Variants in TRAFD1 observed in about 807,000 individuals in gnomAD.
The protein encoded by TRAFD1 is TRAF-type zinc finger domain containing 1, also known as TRAF-type zinc finger domain-containing protein 1.
Under a neutral mutation model 65.3 loss-of-function variants are expected in TRAFD1, and 38 were observed. The ratio of observed to expected loss-of-function variants is 0.58; its 90% CI spans 0.45 to 0.76. TRAFD1 has a LOEUF of 0.76. Among genes scored for constraint, TRAFD1 ranks in the 30% least tolerant of loss-of-function variants. TRAFD1 has a pLI of 0.00. For missense variants in TRAFD1, 631 were observed against 712.6 expected (o/e 0.89, Z 1.30); for synonymous variants, 223 against 257.2 (o/e 0.87, Z 1.27).
intron 4 of TRAFD1, among the ~76,000 whole-genome samples, chr12:112,136,926 C>A (rs904132426): frequency 2.0e-5 from 3 of 152,208 alleles, no homozygotes; most frequent in East Asian, 3.9e-4. Flanking sequence ...TATGTTAATT[C>A]ACCAATTTAA....
chr12:112,147,963 C>T (rs1263134945), intron 7 of TRAFD1, 111 bp from the exon 8 acceptor site: 2 of 1,049,362 alleles, frequency 1.9e-6, no homozygotes, highest in Non-Finnish European at 2.7e-6. Flanking sequence ...GCCACCGCGC[C>T]CGGCCAAGCA....
In TRAFD1 at chr12:112,151,815, G is replaced by A. The variant is rs1265996260; in HGVS notation, c.1294G>A (p.Gly432Ser). Reference protein sequence around the residue: ...RVRHQGDLSSGYLDDTKQETA... With the variant: ...RVRHQGDLSSSYLDDTKQETA... ...TCTCTTCTCAGGAGACCTGTCTTCT[G>A]GTTACCTGGATGATACTAAGCAGGA... The change falls in exon 10 of 12, where the codon GGT (glycine) becomes AGT (serine). Residue 432 changes from glycine (G) to serine (S), a missense_variant. Coordinates refer to ENST00000412615, the MANE Select transcript of TRAFD1 (RefSeq NM_006700.3). 1 of 1,613,070 alleles carries A rather than the reference G, an allele frequency of 6.2e-7. No homozygotes were observed. Among genetic ancestry groups the A allele is most frequent in the Non-Finnish European group, 8.5e-7 (1 of 1,179,168 alleles).
In TRAFD1 at chr12:112,150,666, CTT is replaced by C. The variant is rs1312632900; in HGVS notation, c.1279+796_1279+797del. ...CTTGAGCTCAAGTGATTCTCCCACT[CTT>C]AGCCTCCTGAGTAGCTGGGACTATA... is the stretch of plus-strand genomic sequence containing the variant. On this transcript the variant is annotated intron_variant, in intron 9 of 11. Transcript: ENST00000412615. 4.6e-5 allele frequency among the ~76,000 whole-genome samples: 7 copies of C among 151,964 alleles called. No individual in the cohort carries two copies. The South Asian group carries it at 6.2e-4, about 14-fold the overall frequency.
Position 112,148,266 on chromosome 12 carries a change from G to A in TRAFD1, c.1120G>A (p.Gly374Arg), listed in dbSNP as rs752652993. ...CATCATTATCCCATGTGAATTCTGT[G>A]GGGTACAGCTGGAAGAGGAGGTGCT... is the stretch of plus-strand genomic sequence containing the variant. Reference protein sequence around the residue: ...ESIIIPCEFCGVQLEEEVLFH... With the variant: ...ESIIIPCEFCRVQLEEEVLFH... The change falls in exon 8 of 12, where the codon GGG becomes AGG. Residue 374 changes from glycine (G) to arginine (R), a missense_variant. Gly to Arg is a moderately radical substitution (Grantham distance 125). Transcript: ENST00000412615. 1.2e-5 allele frequency: 19 copies of A among 1,614,150 alleles called. No homozygotes were observed. In the East Asian group the frequency reaches 3.6e-4, roughly 30 times the overall value.
chr12:112,130,679 A>G lies in TRAFD1; in HGVS notation c.47+110A>G, dbSNP rs77238191. On this transcript the variant is annotated intron_variant, in intron 2 of 11. Coordinates refer to ENST00000412615, the MANE Select transcript of TRAFD1 (RefSeq NM_006700.3). This position sits in a 1 kb window ranked among gnomAD's most constrained non-coding sequence, Gnocchi z 4.4. Reference sequence around the variant, plus strand: ...TGAAGACTGGCACAGTCTTGAGTTAAGCTTTCTATTTTGGTGTTTATAACC... The same window carrying G: ...TGAAGACTGGCACAGTCTTGAGTTAGGCTTTCTATTTTGGTGTTTATAACC... The G allele has an allele frequency of 3.7e-3, 3,277 of 886,908 alleles. 87 individuals carry two copies. In the African/African-American group the frequency reaches 0.051, roughly 14 times the overall value. The allele number at this position is 886,908 out of a possible 1,614,324, so 54.9% of individuals were successfully genotyped here.
intron 6 of TRAFD1, among the ~76,000 whole-genome samples, chr12:112,143,636 C>T (rs1260729695): frequency 6.6e-6 from 1 of 151,720 alleles, no homozygotes; most frequent in Non-Finnish European, 1.5e-5. Flanking sequence ...TTATATATTT[C>T]ATTTTGAGTT....
chr12:112,152,851 T>C lies in TRAFD1; in HGVS notation c.*60T>C, dbSNP rs1216058045. 5.0e-6 allele frequency: 8 copies of C among 1,586,874 alleles called. No individual in the cohort carries two copies. Among genetic ancestry groups the C allele is most frequent in the South Asian group, 1.1e-5 (1 of 88,274 alleles). ...TTCTGTGCACAGCAGCACTTGCCGC[T>C]GTGCAGGCCCACCTCTTTGGCTCTT... On this transcript the variant is annotated 3_prime_UTR_variant, in exon 12 of 12. Transcript: ENST00000412615. The surrounding 1 kb of genome is among the most constrained non-coding windows in gnomAD (Gnocchi z 5.0).
At chr12:112,135,342 G>A (rs943314319) in intron 4 of TRAFD1, among the ~76,000 whole-genome samples, 3 of 152,206 alleles carry the variant, frequency 2.0e-5, no homozygotes, top group Non-Finnish European at 4.4e-5. Flanking sequence ...CAGCCTCACT[G>A]AATATGAAGC....
intron 2 of TRAFD1, chr12:112,133,297 G>A (rs1425114631): frequency 6.6e-6 from 1 of 152,180 alleles, no homozygotes; most frequent in Non-Finnish European, 1.5e-5. Flanking sequence ...CTGTAGTCAG[G>A]AAGCATCCAG....
chr12:112,125,978 G>A (rs1286817794), intron 1 of TRAFD1: 2 of 152,260 alleles, frequency 1.3e-5, no homozygotes, highest in East Asian at 3.9e-4. Context: ...CGGCGTGGGG[G>A]GTCGCGAGTG....
chr12:112,151,805 C>A lies in TRAFD1; in HGVS notation c.1284C>A (p.Asp428Glu). 6.2e-7 allele frequency: 1 copy of A among 1,611,854 alleles called. No homozygotes were observed. ...LPRRRVRHQG[D>E]LSSGYLDDTK... is the part of the protein sequence containing the mutation. Reference sequence around the variant, plus strand: ...GTTACCATTTTCTCTTCTCAGGAGACCTGTCTTCTGGTTACCTGGATGATA... The same window carrying A: ...GTTACCATTTTCTCTTCTCAGGAGAACTGTCTTCTGGTTACCTGGATGATA... Residue 428 changes from aspartate (D) to glutamate (E), a missense_variant, in exon 10 of 12, where the codon GAC becomes GAA. Physicochemically the swap from Asp to Glu is conservative, Grantham distance 45. Transcript: ENST00000412615.
chr12:112,131,511 A>G (rs1368584145), intron 2 of TRAFD1, among the ~76,000 whole-genome samples: 3 of 152,222 alleles, frequency 2.0e-5, no homozygotes, highest in South Asian at 2.1e-4. Flanking sequence ...CTAAACCTGT[A>G]AAGAATTAAT....
At chr12:112,129,401 A>G (rs1268606827) in intron 1 of TRAFD1, among the ~76,000 whole-genome samples, 1 of 151,788 alleles carries the variant, frequency 6.6e-6, no homozygotes, top group African/African-American at 2.4e-5. Flanking sequence ...GGGTTTCACC[A>G]TGTTGCCCAG....
intron 9 of TRAFD1, 39 bp downstream of exon 9, chr12:112,149,910 A>G (rs963137944): frequency 8.7e-6 from 14 of 1,611,720 alleles, no homozygotes; most frequent in East Asian, 2.2e-5. Flanking sequence ...CCGCAGGTCT[A>G]CTGCTGGCTC....
At chr12:112,145,545 T>G (rs755123452) in intron 6 of TRAFD1, 41 bp from the exon 7 acceptor site, 1 of 1,601,626 alleles carries the variant, frequency 6.2e-7, no homozygotes, top group Non-Finnish European at 8.5e-7. Context: ...TCAAGTTTGT[T>G]TTTGTTCATC....
chr12:112,127,406 A>G (rs976211548), intron 1 of TRAFD1, among the ~76,000 whole-genome samples: 4 of 152,290 alleles, frequency 2.6e-5, no homozygotes, highest in Middle Eastern at 3.4e-3. Context: ...ATCAGAGACT[A>G]TATTTCCTTA....
At chr12:112,142,355 T>C in intron 6 of TRAFD1, 60 bp downstream of exon 6, 3 of 1,507,546 alleles carry the variant, frequency 2.0e-6, no homozygotes, top group South Asian at 1.2e-5. Flanking sequence ...TCTTAGGTTA[T>C]ACAATTCTTA....
rs1259000324 is a variant in TRAFD1 at position 112,152,823 on chromosome 12, G to C, written c.*32G>C. 6.2e-7 allele frequency: 1 copy of C among 1,613,384 alleles called. No homozygotes were observed. The highest frequency in any genetic ancestry group is 2.2e-5 in the East Asian group (1 of 44,888). ...CTCCAGAGACTTTACATCGGTTCCT[G>C]TCTTCTGTGCACAGCAGCACTTGCC... On this transcript the variant is annotated 3_prime_UTR_variant, in exon 12 of 12. Transcript: ENST00000412615. The surrounding 1 kb of genome is among the most constrained non-coding windows in gnomAD (Gnocchi z 5.0).
chr12:112,129,191 T>G (rs71465828), intron 1 of TRAFD1, among the ~76,000 whole-genome samples: 1 of 137,104 alleles, frequency 7.3e-6, no homozygotes, highest in Non-Finnish European at 1.5e-5. Context: ...GGTGGGATGG[T>G]GATTTTTTTT....
Sources: allele counts gnomAD v4.1 joint callset (sites outside exome capture counted in the v4.1 genomes callset), GRCh38; gene constraint gnomAD v4.1.1; non-coding constraint Gnocchi (gnomAD v3.1); transcripts MANE v1.5; gene names NCBI Gene and HGNC (gene_info 2026-07-23, HGNC 2026-07-21).